The following CDH13 variants were observed in gnomAD, a reference collection of about 807,000 sequenced individuals.
CDH13 encodes the protein cadherin-13.
CDH13 carries 24 observed loss-of-function variants against 63.8 expected under a neutral mutation model. That is an observed-to-expected ratio of 0.38 (90% confidence interval 0.27 to 0.53). The LOEUF is 0.53. Among genes scored for constraint, CDH13 ranks in the 20% least tolerant of loss-of-function variants. CDH13 has a pLI of 0.85. For synonymous variants in CDH13, 503 were observed against 355.3 expected (o/e 1.42, Z -4.67); for missense variants, 1,049 against 903.1 (o/e 1.16, Z -2.07).
intron 8 of CDH13, among the ~76,000 whole-genome samples, chr16:83,608,582 CTCAG>C (rs1908565375): frequency 6.6e-6 from 1 of 152,028 alleles, no homozygotes; most frequent in South Asian, 2.1e-4. Context: ...AGCTCCTGGG[CTCAG>C]TCAGTCCTCC....
At chr16:83,408,918 CA>C (rs1431232914) in intron 6 of CDH13, among the ~76,000 whole-genome samples, 2 of 152,168 alleles carry the variant, frequency 1.3e-5, no homozygotes, top group Admixed American at 6.6e-5. Context: ...GCTGGGAGCA[CA>C]AGGCTTCCTT....
chr16:82,701,265 A>T (rs536732719), intron 1 of CDH13, among the ~76,000 whole-genome samples: 25 of 152,114 alleles, frequency 1.6e-4, no homozygotes, highest in Non-Finnish European at 2.8e-4. Context: ...GCCCTAGTTC[A>T]AGGTCCTATT....
At chr16:82,741,378 T>TACA (rs1311277682) in intron 1 of CDH13, among the ~76,000 whole-genome samples, 1 of 152,214 alleles carries the variant, frequency 6.6e-6, no homozygotes, top group African/African-American at 2.4e-5. Flanking sequence ...GCTCAAACTT[T>TACA]ACAACGTCTG....
At chr16:83,069,968 A>C (rs1222102913) in intron 3 of CDH13, among the ~76,000 whole-genome samples, 1 of 152,210 alleles carries the variant, frequency 6.6e-6, no homozygotes, top group Non-Finnish European at 1.5e-5. Context: ...AAAGTAAGGA[A>C]ATGAAGAAAA....
At chr16:83,186,612 C>A (rs966735106) in intron 4 of CDH13, among the ~76,000 whole-genome samples, 1 of 152,124 alleles carries the variant, frequency 6.6e-6, no homozygotes, top group African/African-American at 2.4e-5. Context: ...GTTTAATCTA[C>A]CCCTTCTCTG....
At chr16:83,772,214 C>G (rs959513378) in intron 11 of CDH13, among the ~76,000 whole-genome samples, 1 of 149,104 alleles carries the variant, frequency 6.7e-6, no homozygotes, top group Non-Finnish European at 1.5e-5. Context: ...AGCCATACTT[C>G]AGGAATGGAG....
intron 8 of CDH13, among the ~76,000 whole-genome samples, chr16:83,625,604 A>G (rs1020216729): frequency 6.6e-6 from 1 of 152,114 alleles, no homozygotes; most frequent in Non-Finnish European, 1.5e-5. Flanking sequence ...TTCTCTTGGC[A>G]TTTGTGCCGC....
At chr16:83,608,394 G>A (rs1908545591) in intron 8 of CDH13, among the ~76,000 whole-genome samples, 2 of 152,200 alleles carry the variant, frequency 1.3e-5, no homozygotes, top group African/African-American at 4.8e-5. Context: ...AATGAATGCT[G>A]GAGTCCAGGC....
chr16:83,349,251 C>T (rs145920976), intron 6 of CDH13, among the ~76,000 whole-genome samples: 1 of 152,308 alleles, frequency 6.6e-6, no homozygotes, highest in Non-Finnish European at 1.5e-5. Flanking sequence ...TGGGGGCATA[C>T]AGATCTCTGT....
intron 1 of CDH13, among the ~76,000 whole-genome samples, chr16:82,630,228 T>TC (rs376273598): frequency 2.0e-5 from 3 of 151,644 alleles, no homozygotes; most frequent in Non-Finnish European, 4.4e-5. Flanking sequence ...TGCTGCCCCC[T>TC]CCCCCCCTAG....
At chr16:82,688,253 G>A (rs1915284042) in intron 1 of CDH13, among the ~76,000 whole-genome samples, 1 of 152,060 alleles carries the variant, frequency 6.6e-6, no homozygotes, top group Admixed American at 6.5e-5. Flanking sequence ...ATGCCCTGCT[G>A]GGCTCCATGT....
intron 3 of CDH13, among the ~76,000 whole-genome samples, chr16:83,033,579 A>C (rs1359796813): frequency 2.0e-5 from 3 of 152,230 alleles, no homozygotes. Context: ...GTGTAATTGC[A>C]TATCGTGCTT....
intron 2 of CDH13, among the ~76,000 whole-genome samples, chr16:82,993,323 G>A (rs751063593): frequency 1.3e-5 from 2 of 152,088 alleles, no homozygotes; most frequent in East Asian, 1.9e-4. Flanking sequence ...TTCAGAGAAC[G>A]TTCTACATCA....
chr16:82,744,165 A>ATGGCAGCC (rs2034057420), intron 1 of CDH13, among the ~76,000 whole-genome samples: 1 of 152,190 alleles, frequency 6.6e-6, no homozygotes, highest in Non-Finnish European at 1.5e-5. Context: ...CAGAGATAGG[A>ATGGCAGCC]TGGCAGCCTC....
At chr16:83,650,100 G>A (rs973880357) in intron 8 of CDH13, among the ~76,000 whole-genome samples, 2 of 152,144 alleles carry the variant, frequency 1.3e-5, no homozygotes, top group Non-Finnish European at 1.5e-5. Context: ...CTCCTTTGTA[G>A]GTTGATGGAA....
intron 6 of CDH13, among the ~76,000 whole-genome samples, chr16:83,405,227 T>A (rs2092024299): frequency 6.6e-6 from 1 of 152,180 alleles, no homozygotes; most frequent in Admixed American, 6.5e-5. Flanking sequence ...AGTAGCTGTG[T>A]AAGTAGCTTT....
At chr16:83,408,710 G>T (rs1253213313) in intron 6 of CDH13, among the ~76,000 whole-genome samples, 1 of 152,200 alleles carries the variant, frequency 6.6e-6, no homozygotes, top group East Asian at 1.9e-4. Context: ...GAATGTAGTA[G>T]TTGTCATTTG....
At chr16:82,710,021 A>C (rs79321442) in intron 1 of CDH13, among the ~76,000 whole-genome samples, 9,272 of 151,854 alleles carry the variant, frequency 0.061, 355 homozygotes, top group Middle Eastern at 0.082. Flanking sequence ...ATGGGCTGAC[A>C]AAGACTGCCT....
chr16:83,052,335 T>C (rs917432193), intron 3 of CDH13, among the ~76,000 whole-genome samples: 2 of 152,218 alleles, frequency 1.3e-5, no homozygotes, highest in Non-Finnish European at 2.9e-5. Context: ...AAATAAGATG[T>C]AAGATTAACA....
Sources: allele counts gnomAD v4.1 joint callset (sites outside exome capture counted in the v4.1 genomes callset), GRCh38; gene constraint gnomAD v4.1.1; transcripts MANE v1.5; gene names NCBI Gene and HGNC (gene_info 2026-07-23, HGNC 2026-07-21).